The following BEST1 variants were observed in gnomAD, a reference collection of about 807,000 sequenced individuals.
BEST1 encodes the protein bestrophin 1.
Under a neutral mutation model 63.3 loss-of-function variants are expected in BEST1, and 58 were observed. The observed-to-expected ratio is 0.92, with a 90% CI of 0.74 to 1.14. BEST1 has a LOEUF of 1.14. Ranked by LOEUF, BEST1 falls within the 50% of genes most tolerant of loss-of-function variation. The pLI is 0.00. For missense variants in BEST1, 671 were observed against 740.1 expected (o/e 0.91, Z 1.08); for synonymous variants, 283 against 291.6 (o/e 0.97, Z 0.30).
At chr11:61,963,409 G>C (rs1017273860) in intron 10 of BEST1, 1 of 1,205,032 alleles carries the variant, frequency 8.3e-7, no homozygotes, top group East Asian at 3.5e-5. Flanking sequence ...GGTGTCCAGC[G>C]CCCTTAGGTC....
chr11:61,958,236 C>T lies in BEST1; in HGVS notation c.805C>T (p.Leu269=). ...NPAKAYPGHE[L]DLVVPVFTFL... is the part of the protein sequence containing the mutation. ...AGCCAAGGCCTACCCTGGCCATGAG[C>T]TGGACCTCGTTGTGCCCGTCTTCAC... Residue 269 remains leucine, a synonymous_variant, in exon 7 of 11, where the codon CTG becomes TTG. Coordinates refer to ENST00000378043, the MANE Select transcript of BEST1 (RefSeq NM_004183.4). 1 of 1,614,230 alleles carries T rather than the reference C, an allele frequency of 6.2e-7. No homozygotes were observed. Among genetic ancestry groups the T allele is most frequent in the South Asian group, 1.1e-5 (1 of 91,090 alleles).
chr11:61,953,978 A>C (rs930473831), intron 2 of BEST1, among the ~76,000 whole-genome samples: 1 of 152,238 alleles, frequency 6.6e-6, no homozygotes, highest in Non-Finnish European at 1.5e-5. Flanking sequence ...TAATCACCGA[A>C]TATATGATAG....
At chr11:61,958,646 C>G in intron 7 of BEST1, 1 of 547,788 alleles carries the variant, frequency 1.8e-6, no homozygotes, top group East Asian at 3.4e-5. Flanking sequence ...TCTCCTTATT[C>G]AAGATGCCTG....
At chr11:61,958,401 CG>C in intron 7 of BEST1, 103 bp downstream of exon 7, 1 of 1,587,688 alleles carries the variant, frequency 6.3e-7, no homozygotes, top group Non-Finnish European at 8.6e-7. Context: ...GAAGGTCTCA[CG>C]GGTAGAAAGC....
chr11:61,951,002 CT>C (rs1940597962), intron 1 of BEST1, among the ~76,000 whole-genome samples: 1 of 152,146 alleles, frequency 6.6e-6, no homozygotes, highest in South Asian at 2.1e-4. Context: ...TTGAGCATCT[CT>C]ACCAGCTAGG....
rs1482481507 is a variant in BEST1, at chr11:61,959,620, A to C, written c.948+42A>C. The C allele has an allele frequency of 1.9e-6, 3 of 1,606,838 alleles. No homozygotes were observed. In the Admixed American group the frequency reaches 5.0e-5, roughly 27 times the overall value. On this transcript the variant is annotated intron_variant, in intron 8 of 10. Transcript: ENST00000378043. ...AGAAACCATACCATGGACCTTCCCC[A>C]AAGTGGACCCAAAGAGAGGACCCCA...
At chr11:61,962,193 G>GT in intron 9 of BEST1, 62 bp from the exon 10 acceptor site, 1 of 1,584,954 alleles carries the variant, frequency 6.3e-7, no homozygotes, top group Non-Finnish European at 8.7e-7. Flanking sequence ...TAAGGGAGAA[G>GT]TAAGGCCAGG....
intron 2 of BEST1, among the ~76,000 whole-genome samples, chr11:61,953,035 C>G (rs532684039): frequency 1.4e-4 from 21 of 151,962 alleles, no homozygotes; most frequent in Non-Finnish European, 2.6e-4. Context: ...CCTGTGAGGT[C>G]GAGGCTGCAG....
intron 1 of BEST1, 80 bp from the exon 2 acceptor site, chr11:61,951,691 A>G: frequency 7.0e-7 from 1 of 1,435,004 alleles, no homozygotes; most frequent in South Asian, 1.2e-5. Flanking sequence ...GTTGAGGTCC[A>G]GAGCAGGGAA....
intron 8 of BEST1, 132 bp from the exon 9 acceptor site, chr11:61,959,760 C>T: frequency 7.2e-7 from 1 of 1,391,738 alleles, no homozygotes; most frequent in Non-Finnish European, 1.0e-6. Context: ...AGGCAGGCAC[C>T]CATCTCCCCA....
intron 2 of BEST1, chr11:61,954,773 T>G (rs1941091307): frequency 2.0e-6 from 2 of 984,390 alleles, no homozygotes; most frequent in South Asian, 4.7e-5. Context: ...TCGACCTGCT[T>G]TTAAACAACT....
chr11:61,963,282 C>G lies in BEST1; in HGVS notation c.1739+389C>G. ...TGACCCAAAACCATGAGGTGGCAGT[C>G]AGCTGGATGACAGATGAACACTTCC... is the stretch of plus-strand genomic sequence containing the variant. On this transcript the variant is annotated intron_variant, in intron 10 of 10. Transcript: ENST00000378043. The G allele has an allele frequency of 2.2e-6, 3 of 1,370,986 alleles. 1 individual carries two copies. In the South Asian group the frequency reaches 6.1e-5, roughly 28 times the overall value. 84.9% of individuals were successfully genotyped at this position (1,370,986 alleles called of 1,614,324 possible).
At chr11:61,961,675 G>C (rs1244735365) in intron 9 of BEST1, 2 of 160,904 alleles carry the variant, frequency 1.2e-5, no homozygotes, top group Non-Finnish European at 2.8e-5. Flanking sequence ...TGTCTGCCTG[G>C]GAGGCGGCTT....
intron 1 of BEST1, 123 bp from the exon 2 acceptor site, chr11:61,951,648 A>G: frequency 2.1e-6 from 2 of 962,972 alleles, no homozygotes; most frequent in Non-Finnish European, 3.1e-6. Flanking sequence ...CTTGGAGACC[A>G]CTTCATCCAC....
intron 2 of BEST1, among the ~76,000 whole-genome samples, chr11:61,953,307 G>A (rs557572678): frequency 5.1e-4 from 77 of 152,198 alleles, no homozygotes; most frequent in African/African-American, 1.8e-3. Context: ...CAGCCACAGG[G>A]GCTCACACCT....
intron 10 of BEST1, chr11:61,963,524 G>A (rs1942291067): frequency 1.9e-6 from 2 of 1,035,686 alleles, no homozygotes; most frequent in African/African-American, 3.4e-5. Context: ...AGATTTCCTG[G>A]ACACTTTCAC....
At chr11:61,957,592 A>T in intron 6 of BEST1, 128 bp downstream of exon 6, 1 of 880,270 alleles carries the variant, frequency 1.1e-6, no homozygotes, top group South Asian at 1.4e-5. Context: ...CCACACTTTG[A>T]AGTTGGGTCT....
At chr11:61,961,881 C>T in intron 9 of BEST1, 1 of 260,810 alleles carries the variant, frequency 3.8e-6, no homozygotes, top group Non-Finnish European at 7.5e-6. Flanking sequence ...TGGCATTGCC[C>T]AGAGTCACTC....
At chr11:61,953,076 C>T (rs906500323) in intron 2 of BEST1, among the ~76,000 whole-genome samples, 8 of 152,196 alleles carry the variant, frequency 5.3e-5, no homozygotes, top group African/African-American at 1.9e-4. Context: ...GCACTTCAGC[C>T]TGAGTGACAG....
Sources: gnomAD v4.1 joint callset for allele counts (sites outside exome capture counted in the v4.1 genomes callset) on GRCh38, gnomAD v4.1.1 for gene constraint, MANE v1.5 for transcripts, NCBI Gene and HGNC (gene_info 2026-07-23, HGNC 2026-07-21) for gene names.